The following MARCHF1 variants were observed in gnomAD, a reference collection of about 807,000 sequenced individuals.
The protein encoded by MARCHF1 is E3 ubiquitin-protein ligase MARCHF1.
Under a neutral mutation model 54.2 loss-of-function variants are expected in MARCHF1, and 40 were observed. The ratio of observed to expected loss-of-function variants is 0.74; its 90% CI spans 0.57 to 0.96. The LOEUF is 0.96. Ranked by LOEUF, MARCHF1 falls within the 40% of genes least tolerant of loss-of-function variation. The pLI is 0.00. For missense variants in MARCHF1, 586 were observed against 656.5 expected, an observed-to-expected ratio of 0.89 and a Z score of 1.17; for synonymous variants, 236 against 236.3, an observed-to-expected ratio of 1.00 and a Z score of 0.01.
At chr4:163,908,685 C>G (rs554713663) in intron 3 of MARCHF1, among the ~76,000 whole-genome samples, 1 of 152,176 alleles carries the variant, frequency 6.6e-6, no homozygotes, top group East Asian at 1.9e-4. Flanking sequence ...ACCCAGAATT[C>G]AGGATTCCTC....
At chr4:164,310,845 T>G (rs921550248) in intron 1 of MARCHF1, among the ~76,000 whole-genome samples, 3 of 152,234 alleles carry the variant, frequency 2.0e-5, no homozygotes, top group East Asian at 1.9e-4. Flanking sequence ...GTTTAGAATT[T>G]TTTCTAATAA....
intron 1 of MARCHF1, among the ~76,000 whole-genome samples, chr4:164,368,994 G>C (rs566145785): frequency 6.6e-6 from 1 of 152,178 alleles, no homozygotes; most frequent in Non-Finnish European, 1.5e-5. Context: ...AAGCTGAACT[G>C]TGCTGCAGGC....
At chr4:163,904,609 T>C (rs545510217) in intron 3 of MARCHF1, among the ~76,000 whole-genome samples, 24 of 152,150 alleles carry the variant, frequency 1.6e-4, no homozygotes, top group Non-Finnish European at 3.2e-4. Flanking sequence ...CTTGGCACAG[T>C]AGATATTAGG....
At chr4:164,050,618 T>C (rs1382487298) in intron 2 of MARCHF1, among the ~76,000 whole-genome samples, 1 of 152,198 alleles carries the variant, frequency 6.6e-6, no homozygotes, top group Non-Finnish European at 1.5e-5. Context: ...GGAAGATTGC[T>C]GGACATGTGG....
chr4:163,691,676 G>A (rs1185183185), intron 5 of MARCHF1, among the ~76,000 whole-genome samples: 1 of 152,070 alleles, frequency 6.6e-6, no homozygotes, highest in Non-Finnish European at 1.5e-5. Context: ...TTTCTTATAA[G>A]TTTCCTACAA....
At chr4:164,109,005 T>G (rs909991727) in intron 2 of MARCHF1, among the ~76,000 whole-genome samples, 3 of 152,148 alleles carry the variant, frequency 2.0e-5, no homozygotes, top group African/African-American at 7.2e-5. Flanking sequence ...TTTAATCATC[T>G]CTTAAACCTT....
intron 3 of MARCHF1, among the ~76,000 whole-genome samples, chr4:163,885,476 C>T (rs1164414723): frequency 6.6e-6 from 1 of 151,978 alleles, no homozygotes; most frequent in Admixed American, 6.6e-5. Flanking sequence ...ATTATAGGTA[C>T]AAAATAGTGA....
chr4:163,790,979 T>C (rs577653370), intron 4 of MARCHF1, among the ~76,000 whole-genome samples: 181 of 152,228 alleles, frequency 1.2e-3, no homozygotes, highest in South Asian at 8.7e-3. Context: ...TCCTTTGACA[T>C]GTTTTTGAAA....
chr4:164,037,560 C>T (rs1045525686), intron 2 of MARCHF1, among the ~76,000 whole-genome samples: 1 of 152,192 alleles, frequency 6.6e-6, no homozygotes, highest in East Asian at 1.9e-4. Context: ...GGGAGATGAT[C>T]AAATCTCTCA....
Position 163,579,052 on chromosome 4 carries a change from T to C in MARCHF1, c.1191+6697A>G, listed in dbSNP as rs72989871. Among the ~76,000 whole-genome samples the C allele has an allele frequency of 2.0e-3, 309 of 152,294 alleles. 2 individuals carry two copies. The highest frequency in any genetic ancestry group is 0.017 in the Middle Eastern group (5 of 294). ...GAAGAATATTTCTATCTGAACAACC[T>C]ACTCTATAATACCAATCTCAGGTGA... On this transcript the variant is annotated intron_variant, in intron 8 of 9. Transcript: ENST00000514618.
At chr4:163,637,583 T>A (rs1399460874) in intron 5 of MARCHF1, among the ~76,000 whole-genome samples, 2 of 150,436 alleles carry the variant, frequency 1.3e-5, no homozygotes, top group East Asian at 3.9e-4. Flanking sequence ...CATTAAAAAG[T>A]CAGGAAACAA....
chr4:164,126,822 G>A (rs1252080990), intron 1 of MARCHF1, among the ~76,000 whole-genome samples: 3 of 152,156 alleles, frequency 2.0e-5, no homozygotes, highest in East Asian at 1.9e-4. Flanking sequence ...TTGGGAGGCC[G>A]AGGCAGGCGC....
chr4:163,962,190 T>C (rs1752356780), intron 3 of MARCHF1, among the ~76,000 whole-genome samples: 1 of 151,966 alleles, frequency 6.6e-6, no homozygotes, highest in Non-Finnish European at 1.5e-5. Flanking sequence ...GATTTTCCAT[T>C]GGAAGCAACT....
chr4:163,717,980 C>A (rs1745319621), intron 4 of MARCHF1, among the ~76,000 whole-genome samples: 1 of 152,102 alleles, frequency 6.6e-6, no homozygotes, highest in Middle Eastern at 3.4e-3. Context: ...CAGAACAGAG[C>A]CCTCAGAAAT....
chr4:164,148,134 A>T lies in MARCHF1; in HGVS notation c.-322-36472T>A, dbSNP rs572904716. 9.5e-5 allele frequency among the ~76,000 whole-genome samples: 11 copies of T among 116,256 alleles called. No individual in the cohort carries two copies. The South Asian group carries it at 3.2e-3, about 34-fold the overall frequency. 76.3% of individuals were successfully genotyped at this position (116,256 alleles called of 152,430 possible). On this transcript the variant is annotated intron_variant, in intron 1 of 9. Transcript: ENST00000514618. ...TTGTGATGATCATGAACCGTGGTTT[A>T]AAAAAATAACACACACACACACACA...
chr4:164,034,220 C>T (rs1753946926), intron 2 of MARCHF1, among the ~76,000 whole-genome samples: 1 of 152,028 alleles, frequency 6.6e-6, no homozygotes, highest in Non-Finnish European at 1.5e-5. Flanking sequence ...CCTCAGCAAA[C>T]TAACATGGGA....
chr4:164,117,206 C>T (rs570528570), intron 1 of MARCHF1, among the ~76,000 whole-genome samples: 3 of 151,838 alleles, frequency 2.0e-5, no homozygotes, highest in Non-Finnish European at 2.9e-5. Flanking sequence ...TGCGGTGAGC[C>T]GAGATCGCAC....
At chr4:163,550,367 G>A (rs1239316095) in intron 8 of MARCHF1, among the ~76,000 whole-genome samples, 1 of 151,736 alleles carries the variant, frequency 6.6e-6, no homozygotes, top group Non-Finnish European at 1.5e-5. Flanking sequence ...AATCCATTTC[G>A]TCTTTTTTCT....
intron 2 of MARCHF1, among the ~76,000 whole-genome samples, chr4:164,063,023 T>C (rs78532878): frequency 0.082 from 12,481 of 152,272 alleles, 615 homozygotes; most frequent in Middle Eastern, 0.17. Flanking sequence ...TGTTGTTTTC[T>C]GAGCAGTTCT....
Sources: allele counts gnomAD v4.1 joint callset (sites outside exome capture counted in the v4.1 genomes callset), GRCh38; gene constraint gnomAD v4.1.1; transcripts MANE v1.5; gene names NCBI Gene and HGNC (gene_info 2026-07-23, HGNC 2026-07-21).